Variants in SLC45A4 observed in about 807,000 individuals in gnomAD.
SLC45A4 encodes the protein polyamine-transporter SLC45A4.
SLC45A4 carries 32 observed loss-of-function variants against 63.7 expected under a neutral mutation model. The ratio of observed to expected loss-of-function variants is 0.50; its 90% CI spans 0.38 to 0.67. The LOEUF (loss-of-function observed/expected upper bound fraction) is 0.67. SLC45A4 is among the 30% of genes least tolerant of loss of function. SLC45A4 has a pLI of 0.00. For missense variants in SLC45A4, 1,027 were observed against 1,157.7 expected, an observed-to-expected ratio of 0.89 and a Z score of 1.64; for synonymous variants, 535 against 510.0, an observed-to-expected ratio of 1.05 and a Z score of -0.66.
At position 141,215,689 on chromosome 8, in the gene SLC45A4, G is replaced by A. The variant is rs10108999; in HGVS notation, c.1941+70C>T. 1.2e-3 allele frequency: 1,858 copies of A among 1,507,708 alleles called. 14 individuals are homozygous for A. In the African/African-American group the frequency reaches 0.017, roughly 14 times the overall value. The allele number at this position is 1,507,708 out of a possible 1,614,324, so 93.4% of individuals were successfully genotyped here. On this transcript the variant is annotated intron_variant, in intron 7 of 8. Transcript: ENST00000517878. This position sits in a 1 kb window ranked among gnomAD's most constrained non-coding sequence, Gnocchi z 4.3. ...GAACGTCCCCCCGGGGAAGCACAGG[G>A]CTCTGCTCTGTATGGAGGGAAGGCA...
chr8:141,276,174 T>TA (rs1829721235), intron 1 of SLC45A4, among the ~76,000 whole-genome samples: 2 of 152,182 alleles, frequency 1.3e-5, no homozygotes, highest in African/African-American at 4.8e-5. Context: ...ATTGCTGGGA[T>TA]TACAAGTGTG....
At chr8:141,293,890 G>T (rs1252710730) in intron 1 of SLC45A4, among the ~76,000 whole-genome samples, 1 of 151,168 alleles carries the variant, frequency 6.6e-6, no homozygotes. Context: ...CCGAGATAGT[G>T]TCGCTGCACT....
intron 5 of SLC45A4, 29 bp from the exon 6 acceptor site, chr8:141,217,218 G>C (rs773418610): frequency 1.9e-6 from 3 of 1,606,514 alleles, no homozygotes; most frequent in Admixed American, 1.7e-5. Flanking sequence ...GGGGGCTGAC[G>C]AGGGCATCTG....
In SLC45A4 at chr8:141,218,025, C is replaced by T. The variant is rs776860355; in HGVS notation, c.1615G>A (p.Glu539Lys). The change falls in exon 5 of 9, where the codon GAA becomes AAA. Residue 539 changes from glutamate to lysine, a missense_variant. By Grantham distance (56) the Glu-to-Lys change is moderately conservative. Coordinates refer to ENST00000517878, the MANE Select transcript of SLC45A4 (RefSeq NM_001286646.2). ...YTDFMGQVIF[E>K]GDPKAPSNST... ...CGAGCACTCACCTTGGGGTCGCCTT[C>T]GAAGATGACCTGGCCCATGAAGTCG... is the stretch of plus-strand genomic sequence containing the variant. 12 of 1,604,782 alleles carry T rather than the reference C, an allele frequency of 7.5e-6. No individual in the cohort carries two copies. Among genetic ancestry groups the T allele is most frequent in the East Asian group, 4.5e-5 (2 of 44,546 alleles).
At chr8:141,301,685 T>C (rs1421541112) in intron 1 of SLC45A4, among the ~76,000 whole-genome samples, 1 of 126,180 alleles carries the variant, frequency 7.9e-6, no homozygotes, top group Non-Finnish European at 1.6e-5. Flanking sequence ...CAGTGAGCCA[T>C]GATCTCACCA....
intron 2 of SLC45A4, among the ~76,000 whole-genome samples, chr8:141,253,480 A>G (rs1269645521): frequency 6.6e-6 from 1 of 152,268 alleles, no homozygotes; most frequent in Non-Finnish European, 1.5e-5. Flanking sequence ...AGCATCTTCC[A>G]GTATCTCCCA....
chr8:141,285,685 C>A (rs968003009), intron 1 of SLC45A4, among the ~76,000 whole-genome samples: 13 of 152,238 alleles, frequency 8.5e-5, no homozygotes, highest in Non-Finnish European at 7.3e-5. Context: ...CGAGGACCAA[C>A]AGGACAAGAC....
intron 3 of SLC45A4, 89 bp from the exon 4 acceptor site, chr8:141,219,918 G>A (rs899098447): frequency 1.1e-5 from 14 of 1,288,172 alleles, no homozygotes; most frequent in African/African-American, 3.0e-5. Context: ...AGGGGCATGC[G>A]GAGGGGGCAC....
chr8:141,212,813 C>A (rs1199660140), intron 7 of SLC45A4, among the ~76,000 whole-genome samples: 1 of 152,192 alleles, frequency 6.6e-6, no homozygotes, highest in Non-Finnish European at 1.5e-5. Context: ...GGGACGTGGG[C>A]TTCCCAGGAA....
intron 1 of SLC45A4, among the ~76,000 whole-genome samples, chr8:141,288,487 C>T (rs576317945): frequency 2.6e-5 from 4 of 152,332 alleles, no homozygotes; most frequent in South Asian, 2.1e-4. Flanking sequence ...ATGGGGACCA[C>T]GCCTGGTTGG....
rs141557486 is a variant in SLC45A4 at position 141,287,421 on chromosome 8, G to A, written c.-401+20675C>T. 3.2e-3 allele frequency among the ~76,000 whole-genome samples: 484 copies of A among 152,286 alleles called. 2 individuals are homozygous for A. The highest frequency in any genetic ancestry group is 8.2e-3 in the Admixed American group (126 of 15,300). ...AGGAAATAACCCACACGCAGGGCAC[G>A]GAGCGCAGACTGTGCCCCTGCCACA... On this transcript the variant is annotated intron_variant, in intron 1 of 8. Coordinates refer to ENST00000517878, the MANE Select transcript of SLC45A4 (RefSeq NM_001286646.2).
rs1589819307 is a variant in SLC45A4 at position 141,254,840 on chromosome 8, G to A, written c.-400-211C>T. 2.1e-6 allele frequency: 1 copy of A among 475,484 alleles called. No homozygotes were observed. Among genetic ancestry groups the A allele is most frequent in the African/African-American group, 1.9e-5 (1 of 51,450 alleles). The allele number at this position is 475,484 out of a possible 1,614,324, so 29.5% of individuals were successfully genotyped here. A position where few individuals can be genotyped will look rare whatever the true frequency, so the allele number is the denominator to read the frequency against. Reference sequence around the variant, plus strand: ...TTTCTCATACGAAAGTGAATCCTGGGGAAGGACAAAGGTGGGGCAATCAAG... The same window carrying A: ...TTTCTCATACGAAAGTGAATCCTGGAGAAGGACAAAGGTGGGGCAATCAAG... On this transcript the variant is annotated intron_variant, in intron 1 of 8. Coordinates refer to ENST00000517878, the MANE Select transcript of SLC45A4 (RefSeq NM_001286646.2). The surrounding 1 kb of genome is among the most constrained non-coding windows in gnomAD (Gnocchi z 4.5).
chr8:141,286,260 G>A (rs1034793661), intron 1 of SLC45A4, among the ~76,000 whole-genome samples: 1 of 152,152 alleles, frequency 6.6e-6, no homozygotes, highest in African/African-American at 2.4e-5. Flanking sequence ...TCCCTCGGGA[G>A]CTGAGGAGAA....
intron 1 of SLC45A4, among the ~76,000 whole-genome samples, chr8:141,284,412 G>A (rs1830067632): frequency 6.6e-6 from 1 of 152,234 alleles, no homozygotes; most frequent in African/African-American, 2.4e-5. Context: ...GCCACCCCCA[G>A]CACTCCACGG....
intron 2 of SLC45A4, among the ~76,000 whole-genome samples, chr8:141,222,824 T>C (rs1328988846): frequency 1.3e-5 from 2 of 152,180 alleles, no homozygotes; most frequent in African/African-American, 4.8e-5. Context: ...CGGTTGCCCT[T>C]GGCAGGGGGC....
chr8:141,212,143 C>CCCCA, intron 8 of SLC45A4, 54 bp downstream of exon 8: 1 of 1,068,238 alleles, frequency 9.4e-7, no homozygotes, highest in South Asian at 4.5e-5. Context: ...CCGCCGCCCG[C>CCCCA]CCGCCCGCCC....
At chr8:141,225,624 G>C (rs73713382) in intron 2 of SLC45A4, 1 of 152,452 alleles carries the variant, frequency 6.6e-6, no homozygotes, top group African/African-American at 2.4e-5. Context: ...CCTGGGAGCC[G>C]GGAAGACGCT....
intron 2 of SLC45A4, chr8:141,230,046 G>A (rs1019259082): frequency 2.6e-5 from 12 of 456,056 alleles, no homozygotes; most frequent in East Asian, 6.9e-5. Context: ...ACCATTACAC[G>A]ATGATAAGAA....
intron 1 of SLC45A4, among the ~76,000 whole-genome samples, chr8:141,281,936 C>T (rs551220016): frequency 1.5e-4 from 23 of 152,056 alleles, no homozygotes; most frequent in South Asian, 4.2e-4. Context: ...CCTTTCCTAA[C>T]GCCAGGACGC....
Sources: gnomAD v4.1 joint callset for allele counts (sites outside exome capture counted in the v4.1 genomes callset) on GRCh38, gnomAD v4.1.1 for gene constraint, Gnocchi (gnomAD v3.1) non-coding constraint, MANE v1.5 for transcripts, NCBI Gene and HGNC (gene_info 2026-07-23, HGNC 2026-07-21) for gene names.